Variants in PTPN5 observed in about 807,000 individuals in gnomAD.
PTPN5 encodes protein tyrosine phosphatase non-receptor type 5.
In PTPN5, 29 loss-of-function variants were observed where a neutral mutation model predicts 73.9. That is an observed-to-expected ratio of 0.39 (90% CI 0.29 to 0.54). The LOEUF is 0.54. PTPN5 is among the 20% of genes least tolerant of loss of function. The pLI is 0.65. For synonymous variants in PTPN5, 267 were observed against 304.7 expected (o/e 0.88, Z 1.29); for missense variants, 652 against 751.4 (o/e 0.87, Z 1.55).
intron 3 of PTPN5, among the ~76,000 whole-genome samples, chr11:18,758,649 A>G (rs1201652275): frequency 1.3e-5 from 2 of 150,852 alleles, no homozygotes; most frequent in Non-Finnish European, 2.9e-5. Context: ...TCTGAAATGA[A>G]GAAATGAGCT....
At chr11:18,750,288 G>A (rs1320249515) in intron 3 of PTPN5, among the ~76,000 whole-genome samples, 1 of 152,186 alleles carries the variant, frequency 6.6e-6, no homozygotes, top group African/African-American at 2.4e-5. Context: ...GCACAGAGAC[G>A]TTAAGTCTTG....
chr11:18,739,396 T>C (rs1309709633), intron 8 of PTPN5, among the ~76,000 whole-genome samples: 1 of 151,946 alleles, frequency 6.6e-6, no homozygotes, highest in Non-Finnish European at 1.5e-5. Context: ...GAGTGAGTGA[T>C]GATGTGAGCA....
chr11:18,738,164 A>G (rs1171583015), intron 8 of PTPN5, among the ~76,000 whole-genome samples, 200 bp from the exon 9 acceptor site: 1 of 152,236 alleles, frequency 6.6e-6, no homozygotes, highest in Non-Finnish European at 1.5e-5. Context: ...TGTAATAAAT[A>G]TGATAATGAC....
intron 1 of PTPN5, among the ~76,000 whole-genome samples, chr11:18,788,507 T>C (rs1417513504): frequency 6.6e-6 from 1 of 152,192 alleles, no homozygotes; most frequent in Non-Finnish European, 1.5e-5. Context: ...GAAGTCCCCA[T>C]GCCTGTCCAT....
chr11:18,752,817 T>C (rs1282182715), intron 3 of PTPN5, among the ~76,000 whole-genome samples: 4 of 152,008 alleles, frequency 2.6e-5, no homozygotes, highest in South Asian at 2.1e-4. Flanking sequence ...GGCAGGGAGG[T>C]ACCAGAGGTC....
intron 1 of PTPN5, among the ~76,000 whole-genome samples, chr11:18,784,912 G>A (rs1171616384): frequency 4.0e-5 from 6 of 151,878 alleles, no homozygotes; most frequent in Admixed American, 3.3e-4. Flanking sequence ...GGAGTGCAGC[G>A]GCGCTATCTT....
intron 3 of PTPN5, chr11:18,749,464 C>A: frequency 2.0e-6 from 1 of 506,976 alleles, no homozygotes; most frequent in Non-Finnish European, 3.9e-6. Context: ...GCAGGGAGGT[C>A]CTATGTCTGG....
At chr11:18,738,314 A>C (rs973598177) in intron 8 of PTPN5, among the ~76,000 whole-genome samples, 4 of 152,098 alleles carry the variant, frequency 2.6e-5, no homozygotes, top group Admixed American at 2.6e-4. Context: ...GGGCATCCCT[A>C]TCTCGGGACC....
In PTPN5 at chr11:18,729,644, C is replaced by T; in HGVS notation, c.1490+14G>A. On this transcript the variant is annotated intron_variant, in intron 13 of 14. Coordinates refer to ENST00000358540, the MANE Select transcript of PTPN5 (RefSeq NM_006906.2). The surrounding 1 kb of genome is among the most constrained non-coding windows in gnomAD (Gnocchi z 5.2). ...GGGGCTGCCCCGCTCCAGTGGCTGG[C>T]TGGGAGGACCCACCTGCAGTGGACG... 6.4e-7 allele frequency: 1 copy of T among 1,574,262 alleles called. No homozygotes were observed. The highest frequency in any genetic ancestry group is 8.6e-7 in the Non-Finnish European group (1 of 1,163,042).
intron 5 of PTPN5, 48 bp downstream of exon 5, chr11:18,743,274 G>T: frequency 6.4e-7 from 1 of 1,552,302 alleles, no homozygotes; most frequent in Non-Finnish European, 8.9e-7. Context: ...GGGACTAGAG[G>T]CCCCCAACAG....
chr11:18,746,196 T>TATATATATATACACA (rs1162694331), intron 3 of PTPN5, among the ~76,000 whole-genome samples: 1 of 80,528 alleles, frequency 1.2e-5, no homozygotes, highest in Non-Finnish European at 3.1e-5. Flanking sequence ...TATATATACA[T>TATATATATATACACA]TTTTTTTTTT....
rs542776693 is a variant in PTPN5 at position 18,755,395 on chromosome 11, T to C, written c.97+10412A>G. Among the ~76,000 whole-genome samples the C allele has an allele frequency of 2.9e-4, 44 of 152,338 alleles. 1 individual carries two copies. In the South Asian group the frequency reaches 8.9e-3, roughly 31 times the overall value. ...TAGAAACTGTGGGGGATAAGGAATG[T>C]TGTTTTAAATTACAAAGTTTTGGGG... On this transcript the variant is annotated intron_variant, in intron 3 of 14. Coordinates refer to ENST00000358540, the MANE Select transcript of PTPN5 (RefSeq NM_006906.2).
chr11:18,743,111 T>C (rs1029313066), intron 5 of PTPN5, 36 bp from the exon 6 acceptor site: 1 of 1,448,844 alleles, frequency 6.9e-7, no homozygotes, highest in Non-Finnish European at 9.5e-7. Context: ...AGGGTGGTGG[T>C]GGGGGCAGAG....
At chr11:18,750,287 C>T (rs1017863602) in intron 3 of PTPN5, among the ~76,000 whole-genome samples, 11 of 152,002 alleles carry the variant, frequency 7.2e-5, no homozygotes, top group African/African-American at 2.2e-4. Flanking sequence ...GGCACAGAGA[C>T]GTTAAGTCTT....
intron 1 of PTPN5, among the ~76,000 whole-genome samples, chr11:18,778,109 C>A (rs969756584): frequency 4.6e-5 from 7 of 152,184 alleles, no homozygotes; most frequent in Non-Finnish European, 8.8e-5. Flanking sequence ...TGTGAAGAGT[C>A]ATGCTGCCAG....
chr11:18,736,908 G>C (rs1590493181), intron 9 of PTPN5, among the ~76,000 whole-genome samples: 1 of 152,308 alleles, frequency 6.6e-6, no homozygotes, highest in East Asian at 1.9e-4. Context: ...GAGCATCCCT[G>C]AATAATGCAT....
intron 12 of PTPN5, among the ~76,000 whole-genome samples, chr11:18,732,129 G>A (rs963460703): frequency 6.6e-6 from 1 of 152,150 alleles, no homozygotes. Context: ...CAACCCCAAA[G>A]CAGCAAAGAG....
chr11:18,782,900 C>T (rs140549491), intron 1 of PTPN5, among the ~76,000 whole-genome samples: 60 of 152,290 alleles, frequency 3.9e-4, no homozygotes, highest in African/African-American at 1.4e-3. Context: ...GCCAGTAGGT[C>T]CCTGTTGAGA....
Position 18,765,862 on chromosome 11 carries a change from A to C in PTPN5, c.42T>G (p.Ala14=). Residue 14 remains alanine, a synonymous_variant, in exon 3 of 15, where the codon GCT becomes GCG. Transcript: ENST00000358540. ...GGGCCCCTCCCTCGGAGTCATCAGC[A>C]GCGTGGTTCTCTCTCTCACTCCTGC... is the stretch of plus-strand genomic sequence containing the variant. ...EGARSERENH[A]ADDSEGGALD... 1 of 1,580,382 alleles carries C rather than the reference A, an allele frequency of 6.3e-7. No homozygotes were observed. The highest frequency in any genetic ancestry group is 8.6e-7 in the Non-Finnish European group (1 of 1,161,894).
Sources: allele counts gnomAD v4.1 joint callset (sites outside exome capture counted in the v4.1 genomes callset), GRCh38; gene constraint gnomAD v4.1.1; non-coding constraint Gnocchi (gnomAD v3.1); transcripts MANE v1.5; gene names NCBI Gene and HGNC (gene_info 2026-07-23, HGNC 2026-07-21).